SNX7: variants seen among roughly 807,000 people sequenced by gnomAD.
SNX7 encodes sorting nexin 7.
In SNX7, 35 loss-of-function variants were observed where a neutral mutation model predicts 48.4. The observed-to-expected ratio is 0.72, with a 90% CI of 0.55 to 0.96. The LOEUF (loss-of-function observed/expected upper bound fraction) is 0.96, where lower values mean the gene tolerates loss of function less well. Ranked by LOEUF, SNX7 falls within the 40% of genes least tolerant of loss-of-function variation. The pLI, the probability that SNX7 is intolerant of heterozygous loss-of-function variation, is 0.00. For missense variants in SNX7, 553 were observed against 548.9 expected, an observed-to-expected ratio of 1.01 and a Z score of -0.07; for synonymous variants, 190 against 190.2, an observed-to-expected ratio of 1.00 and a Z score of 0.01.
intron 1 of SNX7, among the ~76,000 whole-genome samples, chr1:98,678,233 G>T (rs1364540739): frequency 6.6e-6 from 1 of 152,136 alleles, no homozygotes; most frequent in Admixed American, 6.5e-5. Flanking sequence ...GCAAGAGAAA[G>T]AGGACGATCC....
At chr1:98,737,337 T>C (rs1653834247) in intron 7 of SNX7, among the ~76,000 whole-genome samples, 1 of 152,164 alleles carries the variant, frequency 6.6e-6, no homozygotes, top group African/African-American at 2.4e-5. Flanking sequence ...ATTTTTCTCT[T>C]TAGCATTTAT....
In SNX7 at chr1:98,751,466, GT is replaced by G. The variant is rs1654574969; in HGVS notation, c.1279-8584del. Reference sequence around the variant, plus strand: ...AAGGCTTTGTTTACCTGTTGGGTCTGTTTTCCCCACCTCTGGCTCACCTTCC... The same window carrying G: ...AAGGCTTTGTTTACCTGTTGGGTCTGTTTCCCCACCTCTGGCTCACCTTCC... On this transcript the variant is annotated intron_variant, in intron 8 of 8. Transcript: ENST00000306121. Among the ~76,000 whole-genome samples the G allele has an allele frequency of 2.0e-5, 3 of 152,010 alleles. No homozygotes were observed. In the South Asian group the frequency reaches 6.2e-4, roughly 32 times the overall value.
chr1:98,677,365 G>C (rs1189146834), intron 1 of SNX7: 1 of 152,230 alleles, frequency 6.6e-6, no homozygotes, highest in African/African-American at 2.4e-5. Context: ...AGCTGAGGAG[G>C]CATCCTGCAT....
At chr1:98,680,655 G>C (rs1018205268) in intron 1 of SNX7, among the ~76,000 whole-genome samples, 1 of 152,088 alleles carries the variant, frequency 6.6e-6, no homozygotes, top group Non-Finnish European at 1.5e-5. Flanking sequence ...TCTCTCTCAA[G>C]TTTAAAGTTC....
intron 1 of SNX7, among the ~76,000 whole-genome samples, chr1:98,682,450 A>G (rs1650554633): frequency 6.6e-6 from 1 of 152,156 alleles, no homozygotes; most frequent in African/African-American, 2.4e-5. Context: ...AGAAGCTTCC[A>G]AAGAATAGGT....
intron 4 of SNX7, among the ~76,000 whole-genome samples, chr1:98,694,369 C>CAAA (rs775800995): frequency 1.3e-4 from 7 of 54,012 alleles, no homozygotes; most frequent in East Asian, 5.8e-4. Context: ...GACTCCGTCT[C>CAAA]AAAAAAAAAA....
intron 8 of SNX7, among the ~76,000 whole-genome samples, chr1:98,752,176 C>T (rs1654617999): frequency 6.6e-6 from 1 of 151,960 alleles, no homozygotes; most frequent in Admixed American, 6.6e-5. Flanking sequence ...CAATTATGAT[C>T]CTGAGGACAG....
At position 98,702,001 on chromosome 1, in the gene SNX7, T is replaced by C. The variant is rs922642632; in HGVS notation, c.1125+98T>C. 7 of 830,418 alleles carry C rather than the reference T, an allele frequency of 8.4e-6. No homozygotes were observed. In the Admixed American group the frequency reaches 1.8e-4, roughly 22 times the overall value. The allele number at this position is 830,418 out of a possible 1,614,324, so 51.4% of individuals were successfully genotyped here. ...ATGATTGTCCTTACATGATTGTTTC[T>C]TATATGATTGTTTCTAAGCATTAAG... On this transcript the variant is annotated intron_variant, in intron 7 of 8. Coordinates refer to ENST00000306121, the MANE Select transcript of SNX7 (RefSeq NM_015976.5).
chr1:98,705,029 C>T (rs1303990190), intron 7 of SNX7, among the ~76,000 whole-genome samples: 3 of 152,062 alleles, frequency 2.0e-5, no homozygotes, highest in Admixed American at 1.3e-4. Context: ...TGCCTATAAT[C>T]CTGCATTTGA....
At chr1:98,673,703 G>A (rs1650003482) in intron 1 of SNX7, among the ~76,000 whole-genome samples, 1 of 152,170 alleles carries the variant, frequency 6.6e-6, no homozygotes, top group Admixed American at 6.5e-5. Context: ...GAGGGTGGTT[G>A]AGTCTTGCTA....
At chr1:98,694,121 A>G (rs1400839418) in intron 4 of SNX7, among the ~76,000 whole-genome samples, 3 of 152,204 alleles carry the variant, frequency 2.0e-5, no homozygotes, top group Admixed American at 6.5e-5. Context: ...CTGTAATCCC[A>G]GCACTTTGGG....
intron 7 of SNX7, among the ~76,000 whole-genome samples, chr1:98,731,065 CACCATGGCACATGTTT>C (rs952207053): frequency 1.7e-4 from 26 of 151,874 alleles, no homozygotes; most frequent in African/African-American, 6.0e-4. Context: ...TGCAGCAAAC[CACCATGGCACATGTTT>C]ACCTGTGTAA....
intron 1 of SNX7, among the ~76,000 whole-genome samples, chr1:98,669,788 C>T (rs1649749449): frequency 6.6e-6 from 1 of 152,206 alleles, no homozygotes; most frequent in African/African-American, 2.4e-5. Flanking sequence ...CTTCTTCAAT[C>T]CTCAGCTGGA....
At chr1:98,729,357 C>T (rs1035342715) in intron 7 of SNX7, among the ~76,000 whole-genome samples, 1 of 152,040 alleles carries the variant, frequency 6.6e-6, no homozygotes, top group African/African-American at 2.4e-5. Flanking sequence ...AACGTAGCAT[C>T]TCAACTAAAA....
chr1:98,680,458 T>C (rs1159970539), intron 1 of SNX7, among the ~76,000 whole-genome samples: 1 of 152,192 alleles, frequency 6.6e-6, no homozygotes, highest in East Asian at 1.9e-4. Context: ...TTATGCAAAT[T>C]TCTGCAGCTG....
At chr1:98,731,621 G>A (rs1251240987) in intron 7 of SNX7, among the ~76,000 whole-genome samples, 1 of 152,064 alleles carries the variant, frequency 6.6e-6, no homozygotes, top group African/African-American at 2.4e-5. Context: ...TACTTACACA[G>A]CCTTGAGATG....
chr1:98,725,463 C>A lies in SNX7; in HGVS notation c.1126-12774C>A, dbSNP rs539042868. Among the ~76,000 whole-genome samples, 5 of 152,234 alleles carry A rather than the reference C, an allele frequency of 3.3e-5. 1 individual carries two copies. The South Asian group carries it at 1.0e-3, about 32-fold the overall frequency. ...AAGAAAAACATTTCACAAGGGGGCA[C>A]TGTGCCTGGTATGGTACTTGGCATG... On this transcript the variant is annotated intron_variant, in intron 7 of 8. Coordinates refer to ENST00000306121, the MANE Select transcript of SNX7 (RefSeq NM_015976.5).
chr1:98,670,257 A>C (rs1230468948), intron 1 of SNX7, among the ~76,000 whole-genome samples: 1 of 152,214 alleles, frequency 6.6e-6, no homozygotes, highest in African/African-American at 2.4e-5. Flanking sequence ...CCAAGATAAC[A>C]ATTTAGAAAC....
At chr1:98,748,713 G>GA (rs1654431628) in intron 8 of SNX7, among the ~76,000 whole-genome samples, 1 of 150,296 alleles carries the variant, frequency 6.7e-6, no homozygotes, top group Non-Finnish European at 1.5e-5. Flanking sequence ...TCTTCTAATG[G>GA]AAAAAATTAA....
Sources: gnomAD v4.1 joint callset for allele counts (sites outside exome capture counted in the v4.1 genomes callset) on GRCh38, gnomAD v4.1.1 for gene constraint, MANE v1.5 for transcripts, NCBI Gene and HGNC (gene_info 2026-07-23, HGNC 2026-07-21) for gene names.